The following PALM2AKAP2 variants were observed in gnomAD, a reference collection of about 807,000 sequenced individuals.
PALM2AKAP2 encodes the protein PALM2-AKAP2 fusion protein.
A neutral mutation model predicts 71.5 loss-of-function variants in PALM2AKAP2; 37 were observed. The ratio of observed to expected loss-of-function variants is 0.52; its 90% CI spans 0.40 to 0.68. PALM2AKAP2 has a LOEUF of 0.68. PALM2AKAP2 is among the 30% of genes least tolerant of loss of function. The probability of loss-of-function intolerance (pLI) is 0.00; values close to 1 mark genes in which losing one functional copy is unlikely to be tolerated. For missense variants in PALM2AKAP2, 1,224 were observed against 1,191.8 expected (o/e 1.03, Z -0.40); for synonymous variants, 468 against 478.8 (o/e 0.98, Z 0.29).
intron 2 of PALM2AKAP2, among the ~76,000 whole-genome samples, chr9:110,156,020 T>C (rs1836445511): frequency 6.6e-6 from 1 of 152,208 alleles, no homozygotes; most frequent in Admixed American, 6.5e-5. Context: ...AGAATACATA[T>C]CTCAAAACAA....
At chr9:109,675,532 G>A (rs1341917665) in intron 1 of PALM2AKAP2, among the ~76,000 whole-genome samples, 2 of 152,054 alleles carry the variant, frequency 1.3e-5, no homozygotes, top group South Asian at 2.1e-4. Context: ...TACGTATTTA[G>A]TTTTTTAATC....
intron 1 of PALM2AKAP2, among the ~76,000 whole-genome samples, chr9:109,653,919 C>T (rs1827260467): frequency 6.6e-6 from 1 of 152,152 alleles, no homozygotes; most frequent in South Asian, 2.1e-4. Flanking sequence ...CAAAACCTGG[C>T]TCTTCATTTT....
chr9:109,761,874 T>C (rs1461813506), intron 1 of PALM2AKAP2, among the ~76,000 whole-genome samples: 1 of 152,232 alleles, frequency 6.6e-6, no homozygotes, highest in Admixed American at 6.5e-5. Context: ...TTTATAATCC[T>C]TTGGGTATAT....
intron 1 of PALM2AKAP2, among the ~76,000 whole-genome samples, chr9:109,685,286 A>G (rs1280710034): frequency 6.6e-6 from 1 of 152,188 alleles, no homozygotes; most frequent in Non-Finnish European, 1.5e-5. Flanking sequence ...GACACTTAAA[A>G]TATATGAATT....
At chr9:109,870,843 A>G (rs1011612906) in intron 2 of PALM2AKAP2, among the ~76,000 whole-genome samples, 6 of 152,226 alleles carry the variant, frequency 3.9e-5, no homozygotes, top group Non-Finnish European at 8.8e-5. Context: ...GTGATTATTG[A>G]AGTTCCTTGA....
At chr9:109,954,682 G>C (rs1164341487) in intron 6 of PALM2AKAP2, among the ~76,000 whole-genome samples, 6 of 99,882 alleles carry the variant, frequency 6.0e-5, no homozygotes, top group Admixed American at 3.7e-4. Flanking sequence ...AAAAAAAAAA[G>C]AAGTTAAGGT....
chr9:109,931,167 C>T (rs1252308466), intron 5 of PALM2AKAP2, among the ~76,000 whole-genome samples: 3 of 152,214 alleles, frequency 2.0e-5, no homozygotes, highest in Non-Finnish European at 4.4e-5. Flanking sequence ...CTCCTTTCCT[C>T]TGATACCTTG....
Position 110,136,085 on chromosome 9 carries a change from ATGC to A in PALM2AKAP2, c.157-41_157-39del, listed in dbSNP as rs766093296. The A allele has an allele frequency of 3.6e-5, 54 of 1,519,974 alleles. No individual in the cohort carries two copies. The East Asian group carries it at 1.2e-3, about 34-fold the overall frequency. 94.2% of individuals were successfully genotyped at this position (1,519,974 alleles called of 1,614,324 possible). ...TTGTCAGCATTCACATCCATAAGAG[ATGC>A]AGTATTTAACCCTGACTTTTGTTTA... On this transcript the variant is annotated intron_variant, in intron 1 of 3. Coordinates refer to ENST00000374525, the Ensembl canonical transcript of PALM2AKAP2.
intron 1 of PALM2AKAP2, among the ~76,000 whole-genome samples, chr9:109,648,402 AGG>A (rs1240460960): frequency 6.6e-6 from 1 of 152,226 alleles, no homozygotes; most frequent in Admixed American, 6.5e-5. Flanking sequence ...TTTTCATCCT[AGG>A]CACTGCTCCA....
At chr9:109,791,076 C>T (rs149025833) in intron 1 of PALM2AKAP2, among the ~76,000 whole-genome samples, 48 of 152,238 alleles carry the variant, frequency 3.2e-4, no homozygotes, top group African/African-American at 9.9e-4. Flanking sequence ...ATAGGTTTGG[C>T]GGAGATGGGT....
At chr9:109,824,178 T>G (rs1180766796) in intron 1 of PALM2AKAP2, among the ~76,000 whole-genome samples, 16 of 152,208 alleles carry the variant, frequency 1.1e-4, no homozygotes, top group Admixed American at 9.8e-4. Context: ...TGTGAGCCAC[T>G]GTGCCCAGCT....
intron 3 of PALM2AKAP2, among the ~76,000 whole-genome samples, chr9:109,907,877 A>G (rs982107088): frequency 2.0e-5 from 3 of 152,222 alleles, no homozygotes; most frequent in Admixed American, 6.5e-5. Flanking sequence ...AGCCACTGCC[A>G]TAGCACCCCA....
chr9:109,964,527 C>T (rs916600121), intron 6 of PALM2AKAP2, among the ~76,000 whole-genome samples: 7 of 152,166 alleles, frequency 4.6e-5, no homozygotes, highest in East Asian at 1.9e-4. Flanking sequence ...AGGTTAAGGT[C>T]GCCAACTTAA....
intron 1 of PALM2AKAP2, among the ~76,000 whole-genome samples, chr9:110,069,103 G>A (rs893109388): frequency 6.6e-6 from 1 of 152,154 alleles, no homozygotes; most frequent in South Asian, 2.1e-4. Flanking sequence ...AGAGGTTGTG[G>A]GGAAAGAGCC....
chr9:109,677,740 G>T (rs1054365893), intron 1 of PALM2AKAP2, among the ~76,000 whole-genome samples: 7 of 151,974 alleles, frequency 4.6e-5, no homozygotes, highest in Non-Finnish European at 8.8e-5. Flanking sequence ...TAAGACAGAG[G>T]TTTCTTCTGC....
intron 1 of PALM2AKAP2, among the ~76,000 whole-genome samples, chr9:109,784,951 C>T (rs904083910): frequency 7.9e-5 from 12 of 152,178 alleles, no homozygotes; most frequent in Non-Finnish European, 8.8e-5. Context: ...AAATACCCAA[C>T]ATAAAATTTA....
At position 109,660,247 on chromosome 9, in the gene PALM2AKAP2, G is replaced by A. The variant is rs141120591; in HGVS notation, c.5+19381G>A. Among the ~76,000 whole-genome samples, 718 of 152,248 alleles carry A rather than the reference G, an allele frequency of 4.7e-3. 9 individuals are homozygous for A. Among genetic ancestry groups the A allele is most frequent in the African/African-American group, 0.016 (684 of 41,532 alleles). On this transcript the variant is annotated intron_variant, in intron 1 of 6. Coordinates refer to the PALM2AKAP2 transcript ENST00000374531. ...GTTCTAGGGTACATGTGCACAACGT[G>A]CAGGTTTGATACATAGGTATACATG... is the stretch of plus-strand genomic sequence containing the variant.
chr9:109,720,393 A>G (rs1304990258), intron 1 of PALM2AKAP2, among the ~76,000 whole-genome samples: 3 of 152,220 alleles, frequency 2.0e-5, no homozygotes, highest in Admixed American at 6.5e-5. Flanking sequence ...TGACACACTG[A>G]TTCTGAGATA....
intron 1 of PALM2AKAP2, among the ~76,000 whole-genome samples, chr9:109,847,187 T>C (rs1012620631): frequency 2.0e-5 from 3 of 152,174 alleles, no homozygotes; most frequent in Admixed American, 6.5e-5. Context: ...TCCTGTGCTA[T>C]CCAGGTGGGC....
Sources: gnomAD v4.1 joint callset for allele counts (sites outside exome capture counted in the v4.1 genomes callset) on GRCh38, gnomAD v4.1.1 for gene constraint, MANE v1.5 for transcripts, NCBI Gene and HGNC (gene_info 2026-07-23, HGNC 2026-07-21) for gene names.